The following DNAI4 variants were observed in gnomAD, a reference collection of about 807,000 sequenced individuals.
DNAI4 encodes the protein dynein axonemal intermediate chain 4.
In DNAI4, 85 loss-of-function variants were observed where a neutral mutation model predicts 105.8. The ratio of observed to expected loss-of-function variants is 0.80; its 90% CI spans 0.67 to 0.96. The LOEUF is 0.96. Ranked by LOEUF, DNAI4 falls within the 40% of genes least tolerant of loss-of-function variation. The probability of loss-of-function intolerance (pLI) is 0.00; values close to 1 mark genes in which losing one functional copy is unlikely to be tolerated. For synonymous variants in DNAI4, 352 were observed against 331.5 expected (o/e 1.06, Z -0.67); for missense variants, 1,014 against 1,005.6 (o/e 1.01, Z -0.11).
chr1:66,836,288 GA>G (rs1646016522), intron 10 of DNAI4, among the ~76,000 whole-genome samples: 4 of 148,246 alleles, frequency 2.7e-5, no homozygotes, highest in Non-Finnish European at 6.0e-5. Context: ...AAGAAAGAAA[GA>G]AAGAAAGAAA....
At chr1:66,896,733 G>A (rs957801164) in intron 2 of DNAI4, among the ~76,000 whole-genome samples, 2 of 152,170 alleles carry the variant, frequency 1.3e-5, no homozygotes, top group African/African-American at 4.8e-5. Flanking sequence ...TCTCTGCAGA[G>A]TCCCCACTAG....
At chr1:66,903,344 G>C (rs1648979163) in intron 2 of DNAI4, among the ~76,000 whole-genome samples, 1 of 151,996 alleles carries the variant, frequency 6.6e-6, no homozygotes, top group Non-Finnish European at 1.5e-5. Flanking sequence ...GAAATTCATT[G>C]TTAGAAATGC....
intron 13 of DNAI4, among the ~76,000 whole-genome samples, chr1:66,830,745 C>T (rs1278519372): frequency 1.3e-5 from 2 of 150,798 alleles, no homozygotes; most frequent in Non-Finnish European, 3.0e-5. Context: ...CACTCCACTG[C>T]ACTCCAACCT....
Position 66,846,826 on chromosome 1 carries a change from C to T in DNAI4, c.1291+658G>A, listed in dbSNP as rs939711124. Among the ~76,000 whole-genome samples the T allele has an allele frequency of 3.3e-5, 5 of 152,246 alleles. No homozygotes were observed. In the South Asian group the frequency reaches 6.2e-4, roughly 19 times the overall value. ...ACAAAGTTTCTATAGCCTTCAGTTT[C>T]TTCATTCATGTATTTTTTAATACAT... On this transcript the variant is annotated intron_variant, in intron 8 of 16. Transcript: ENST00000371026.
intron 2 of DNAI4, among the ~76,000 whole-genome samples, chr1:66,903,246 T>C (rs1484921342): frequency 6.6e-6 from 1 of 152,216 alleles, no homozygotes; most frequent in Admixed American, 6.5e-5. Flanking sequence ...CATACAAATC[T>C]TTGGCCTCCT....
intron 5 of DNAI4, among the ~76,000 whole-genome samples, chr1:66,871,932 A>C (rs1646855566): frequency 6.6e-6 from 1 of 152,194 alleles, no homozygotes; most frequent in Non-Finnish European, 1.5e-5. Flanking sequence ...TTTCATTTGT[A>C]TAATTCTATT....
chr1:66,893,088 A>AGAAAG (rs1553227687), intron 3 of DNAI4, 141 bp downstream of exon 3: 1 of 409,160 alleles, frequency 2.4e-6, no homozygotes, highest in African/African-American at 2.1e-5. Context: ...AAAGAAAGAA[A>AGAAAG]GAAAGAAAGA....
chr1:66,855,622 G>T (rs1285015832), intron 7 of DNAI4, among the ~76,000 whole-genome samples: 1 of 151,828 alleles, frequency 6.6e-6, no homozygotes, highest in Non-Finnish European at 1.5e-5. Context: ...GATAAAGAGG[G>T]GCATTACATA....
chr1:66,845,190 C>CAAAAAAAAAA (rs59265844), intron 8 of DNAI4, among the ~76,000 whole-genome samples: 8 of 106,310 alleles, frequency 7.5e-5, no homozygotes, highest in Non-Finnish European at 1.4e-4. Flanking sequence ...AACTCCATCT[C>CAAAAAAAAAA]AAAAAAAAAA....
chr1:66,891,831 T>C (rs1004389906), intron 3 of DNAI4, among the ~76,000 whole-genome samples: 1 of 152,220 alleles, frequency 6.6e-6, no homozygotes, highest in Non-Finnish European at 1.5e-5. Flanking sequence ...CCAATACATT[T>C]AGTACAAAAA....
At chr1:66,918,098 A>G (rs1388139102) in intron 1 of DNAI4, among the ~76,000 whole-genome samples, 1 of 152,208 alleles carries the variant, frequency 6.6e-6, no homozygotes, top group Non-Finnish European at 1.5e-5. Flanking sequence ...GCTTTAAAAG[A>G]GTCTTATTTG....
chr1:66,871,131 T>G (rs1646837381), intron 6 of DNAI4: 1 of 432,088 alleles, frequency 2.3e-6, no homozygotes, highest in Non-Finnish European at 4.0e-6. Flanking sequence ...AGTATAAAGT[T>G]CTATGATATA....
chr1:66,844,084 C>CAAAAAAAAA (rs55925419), intron 8 of DNAI4, among the ~76,000 whole-genome samples: 2 of 66,356 alleles, frequency 3.0e-5, no homozygotes, highest in Non-Finnish European at 5.4e-5. Flanking sequence ...ACTGGAGATT[C>CAAAAAAAAA]AAAAAAAAAA....
intron 16 of DNAI4, among the ~76,000 whole-genome samples, chr1:66,821,839 A>G (rs966846136): frequency 6.6e-6 from 1 of 152,180 alleles, no homozygotes; most frequent in Non-Finnish European, 1.5e-5. Context: ...TTTTAAATTG[A>G]AAACTTTTTT....
chr1:66,913,471 A>G (rs764287129), intron 1 of DNAI4, among the ~76,000 whole-genome samples: 2 of 152,206 alleles, frequency 1.3e-5, no homozygotes, highest in Non-Finnish European at 2.9e-5. Context: ...TCTCAGCTCC[A>G]AAGGAAAAGG....
intron 7 of DNAI4, among the ~76,000 whole-genome samples, chr1:66,850,252 C>A (rs1417672548): frequency 6.6e-6 from 1 of 151,328 alleles, no homozygotes; most frequent in Non-Finnish European, 1.5e-5. Context: ...CCCTAGAGGC[C>A]AGAAAAAAGT....
chr1:66,818,329 A>T (rs1399232643), intron 16 of DNAI4, among the ~76,000 whole-genome samples: 1 of 151,970 alleles, frequency 6.6e-6, no homozygotes, highest in Non-Finnish European at 1.5e-5. Context: ...TAAGTATCTG[A>T]GACTTGTTTG....
chr1:66,905,372 G>A lies in DNAI4; in HGVS notation c.174C>T (p.Asn58=), dbSNP rs114700067. ...GSHKQQNFGL[N]NATQPKKSIS... ...TAGACTTCTTTGGTTGTGTGGCATT[G>A]TTCCTATATAAGAAAAATAAAATAT... Residue 58 remains asparagine, a synonymous_variant, in exon 2 of 17, where the codon AAC becomes AAT. Transcript: ENST00000371026. 1 of 1,432,094 alleles carries A rather than the reference G, an allele frequency of 7.0e-7. No individual in the cohort carries two copies. The highest frequency in any genetic ancestry group is 9.3e-7 in the Non-Finnish European group (1 of 1,078,048). The allele number at this position is 1,432,094 out of a possible 1,614,324, so 88.7% of individuals were successfully genotyped here.
intron 8 of DNAI4, among the ~76,000 whole-genome samples, chr1:66,845,709 A>C (rs926110165): frequency 2.0e-5 from 3 of 152,206 alleles, no homozygotes; most frequent in Non-Finnish European, 4.4e-5. Flanking sequence ...GCATCAACCT[A>C]GGAAATCTCA....
Sources: allele counts gnomAD v4.1 joint callset (sites outside exome capture counted in the v4.1 genomes callset), GRCh38; gene constraint gnomAD v4.1.1; transcripts MANE v1.5; gene names NCBI Gene and HGNC (gene_info 2026-07-23, HGNC 2026-07-21).